Variants in SBF2 observed in about 807,000 individuals in gnomAD.
SBF2 encodes the protein myotubularin-related protein 13.
Under a neutral mutation model 225.2 loss-of-function variants are expected in SBF2, and 112 were observed. The observed-to-expected ratio is 0.50, with a 90% CI of 0.43 to 0.58. SBF2 has a LOEUF of 0.58. Among genes scored for constraint, SBF2 ranks in the 20% least tolerant of loss-of-function variants. SBF2 has a pLI of 0.00. For synonymous variants in SBF2, 763 were observed against 773.3 expected (o/e 0.99, Z 0.22); for missense variants, 1,996 against 2,206.2 (o/e 0.90, Z 1.91).
intron 12 of SBF2, among the ~76,000 whole-genome samples, chr11:9,990,418 C>G (rs1243510100): frequency 6.6e-6 from 1 of 152,160 alleles, no homozygotes. Context: ...CCCATAACAC[C>G]CCATTGTGGT....
At chr11:9,894,899 T>G (rs1227304824) in intron 17 of SBF2, among the ~76,000 whole-genome samples, 1 of 151,954 alleles carries the variant, frequency 6.6e-6, no homozygotes, top group African/African-American at 2.4e-5. Context: ...GGAGAATCAC[T>G]TGAACATGGG....
At chr11:10,114,444 T>C (rs1953034388) in intron 2 of SBF2, among the ~76,000 whole-genome samples, 1 of 152,234 alleles carries the variant, frequency 6.6e-6, no homozygotes, top group African/African-American at 2.4e-5. Context: ...CTGTCTTCCA[T>C]GTTCTTAACA....
intron 17 of SBF2, among the ~76,000 whole-genome samples, chr11:9,864,874 C>A (rs912931925): frequency 1.3e-5 from 2 of 152,004 alleles, no homozygotes; most frequent in Non-Finnish European, 2.9e-5. Flanking sequence ...AAGATATAAT[C>A]TAAATTCTCC....
At chr11:9,913,374 T>C (rs1862807913) in intron 16 of SBF2, among the ~76,000 whole-genome samples, 2 of 152,242 alleles carry the variant, frequency 1.3e-5, no homozygotes, top group East Asian at 1.9e-4. Flanking sequence ...AGAGATAGCA[T>C]TACACAGCCA....
At chr11:10,228,802 G>A (rs1958691563) in intron 1 of SBF2, among the ~76,000 whole-genome samples, 1 of 152,114 alleles carries the variant, frequency 6.6e-6, no homozygotes, top group Non-Finnish European at 1.5e-5. Flanking sequence ...TCTCTGCCAG[G>A]CTTTGGTATC....
intron 36 of SBF2, among the ~76,000 whole-genome samples, chr11:9,787,330 T>C (rs775431384): frequency 7.9e-5 from 12 of 152,212 alleles, no homozygotes; most frequent in Non-Finnish European, 1.0e-4. Context: ...CCTCCTGCCT[T>C]ATGTGGTAGA....
At chr11:10,121,056 A>G (rs1591002816) in intron 2 of SBF2, among the ~76,000 whole-genome samples, 1 of 152,116 alleles carries the variant, frequency 6.6e-6, no homozygotes, top group East Asian at 1.9e-4. Context: ...TTGAGCCATC[A>G]CGCCCCGCCT....
At chr11:9,887,656 T>G (rs1029530837) in intron 17 of SBF2, among the ~76,000 whole-genome samples, 18 of 152,334 alleles carry the variant, frequency 1.2e-4, no homozygotes, top group Non-Finnish European at 2.5e-4. Context: ...CATTCACATC[T>G]TTTCCAGGCC....
intron 16 of SBF2, among the ~76,000 whole-genome samples, chr11:9,940,639 AC>A (rs1335969299): frequency 6.6e-6 from 1 of 152,206 alleles, no homozygotes; most frequent in Non-Finnish European, 1.5e-5. Flanking sequence ...AATACACATT[AC>A]TTGGCCTGAA....
At chr11:10,292,846 T>C (rs577101844) in intron 1 of SBF2, among the ~76,000 whole-genome samples, 1 of 152,270 alleles carries the variant, frequency 6.6e-6, no homozygotes, top group South Asian at 2.1e-4. Flanking sequence ...TCCAGAAGTT[T>C]AAACATTTAA....
intron 17 of SBF2, among the ~76,000 whole-genome samples, chr11:9,859,091 G>C (rs956811910): frequency 4.5e-4 from 69 of 152,288 alleles, no homozygotes; most frequent in Admixed American, 1.4e-3. Flanking sequence ...AAACTTAAGA[G>C]GTGATTAACA....
At chr11:10,133,578 AG>A (rs903529653) in intron 2 of SBF2, among the ~76,000 whole-genome samples, 1 of 138,454 alleles carries the variant, frequency 7.2e-6, no homozygotes, top group Non-Finnish European at 1.7e-5. Flanking sequence ...CAGGGCCAGC[AG>A]GGCTGCCTGG....
chr11:9,810,363 T>C (rs1044025110), intron 30 of SBF2: 1 of 152,184 alleles, frequency 6.6e-6, no homozygotes, highest in East Asian at 1.9e-4. Flanking sequence ...TGCTAAGTTT[T>C]TAAAGCCACA....
chr11:9,995,322 T>G (rs1199028598), intron 9 of SBF2, among the ~76,000 whole-genome samples: 1 of 152,176 alleles, frequency 6.6e-6, no homozygotes, highest in Non-Finnish European at 1.5e-5. Flanking sequence ...GTAGCAAATT[T>G]TCTTCTTGCA....
At chr11:10,217,788 A>G (rs1213690702) in intron 1 of SBF2, among the ~76,000 whole-genome samples, 1 of 152,216 alleles carries the variant, frequency 6.6e-6, no homozygotes, top group Non-Finnish European at 1.5e-5. Flanking sequence ...TAATAAAAAC[A>G]TGACCGAGAC....
intron 16 of SBF2, among the ~76,000 whole-genome samples, chr11:9,934,907 G>A (rs1590519982): frequency 1.3e-5 from 2 of 152,194 alleles, no homozygotes; most frequent in African/African-American, 4.8e-5. Context: ...AGACAAGGAT[G>A]CCCTTTCTCA....
intron 3 of SBF2, among the ~76,000 whole-genome samples, chr11:10,032,769 C>T (rs1949306534): frequency 6.6e-6 from 1 of 152,196 alleles, no homozygotes; most frequent in African/African-American, 2.4e-5. Context: ...ACGGTGATTT[C>T]CCAGTTCCTA....
chr11:10,060,749 C>T (rs995497039), intron 2 of SBF2, among the ~76,000 whole-genome samples: 1 of 152,122 alleles, frequency 6.6e-6, no homozygotes, highest in Non-Finnish European at 1.5e-5. Flanking sequence ...GTAAACGTGG[C>T]CAGGTGCGGT....
At chr11:10,159,456 A>G (rs2135201852) in intron 2 of SBF2, among the ~76,000 whole-genome samples, 1 of 152,306 alleles carries the variant, frequency 6.6e-6, no homozygotes, top group East Asian at 1.9e-4. Context: ...ATCAGCTGGC[A>G]CCACTCAGAT....
Sources: allele counts gnomAD v4.1 joint callset (sites outside exome capture counted in the v4.1 genomes callset), GRCh38; gene constraint gnomAD v4.1.1; transcripts MANE v1.5; gene names NCBI Gene and HGNC (gene_info 2026-07-23, HGNC 2026-07-21).